Variants in SLC9A4 observed in about 807,000 individuals in gnomAD.
SLC9A4 encodes sodium/hydrogen exchanger 4.
SLC9A4 carries 63 observed loss-of-function variants against 67.4 expected under a neutral mutation model. That is an observed-to-expected ratio of 0.93 (90% CI 0.76 to 1.15). SLC9A4 has a LOEUF of 1.15. SLC9A4 is among the 50% of genes most tolerant of loss of function. SLC9A4 has a pLI of 0.00. For missense variants in SLC9A4, 1,089 were observed against 987.7 expected (o/e 1.10, Z -1.38); for synonymous variants, 393 against 367.2 (o/e 1.07, Z -0.80).
intron 8 of SLC9A4, among the ~76,000 whole-genome samples, chr2:102,518,708 C>T (rs1461400162): frequency 6.6e-6 from 1 of 152,056 alleles, no homozygotes; most frequent in Non-Finnish European, 1.5e-5. Context: ...GGCTGTATTG[C>T]TACTAATGTT....
At chr2:102,509,001 T>C (rs1685104615) in intron 6 of SLC9A4, 68 bp downstream of exon 6, 1 of 1,303,984 alleles carries the variant, frequency 7.7e-7, no homozygotes, top group African/African-American at 1.5e-5. Context: ...ATGAGACATG[T>C]GCACGTGTCA....
At chr2:102,509,869 G>T (rs2104438000) in intron 6 of SLC9A4, among the ~76,000 whole-genome samples, 1 of 152,302 alleles carries the variant, frequency 6.6e-6, no homozygotes, top group South Asian at 2.1e-4. Flanking sequence ...AAGAAAAAAA[G>T]GAGTCATCGA....
At chr2:102,530,016 C>A (rs918923788) in intron 11 of SLC9A4, among the ~76,000 whole-genome samples, 3 of 152,104 alleles carry the variant, frequency 2.0e-5, no homozygotes, top group Non-Finnish European at 4.4e-5. Context: ...AATGGTAACA[C>A]GACAATGTGA....
intron 9 of SLC9A4, among the ~76,000 whole-genome samples, chr2:102,524,440 A>G (rs762674466): frequency 6.6e-6 from 1 of 152,226 alleles, no homozygotes; most frequent in Non-Finnish European, 1.5e-5. Context: ...AGACATTCTC[A>G]TAAAGCTAAA....
In SLC9A4 at chr2:102,473,495, T is replaced by A. The variant is rs1684263474; in HGVS notation, c.-265T>A. The A allele has an allele frequency of 1.3e-5, 6 of 470,936 alleles. No individual in the cohort carries two copies. The South Asian group carries it at 1.9e-4, about 15-fold the overall frequency. The allele number at this position is 470,936 out of a possible 1,614,324, so 29.2% of individuals were successfully genotyped here. A position where few individuals can be genotyped will look rare whatever the true frequency, so the allele number is the denominator to read the frequency against. ...CATGATTGGATGGAGGTCCTCCAGG[T>A]AGCTCCATGGACTTTAACAAGTCTA... On this transcript the variant is annotated 5_prime_UTR_variant, in exon 1 of 12. An upstream open reading frame in the 5' UTR loses its in-frame stop. Coordinates refer to ENST00000295269, the MANE Select transcript of SLC9A4 (RefSeq NM_001011552.4).
intron 2 of SLC9A4, among the ~76,000 whole-genome samples, chr2:102,486,926 G>A (rs1226145134): frequency 6.6e-6 from 1 of 152,154 alleles, no homozygotes; most frequent in East Asian, 1.9e-4. Flanking sequence ...GGCAGAAAGG[G>A]CCATGCAGCC....
At chr2:102,478,100 C>T (rs1684370838) in intron 1 of SLC9A4, among the ~76,000 whole-genome samples, 1 of 152,126 alleles carries the variant, frequency 6.6e-6, no homozygotes, top group Non-Finnish European at 1.5e-5. Context: ...GGAATTGAGA[C>T]AATCAGAGAC....
intron 3 of SLC9A4, among the ~76,000 whole-genome samples, chr2:102,504,053 T>C (rs911702978): frequency 3.3e-5 from 5 of 152,110 alleles, no homozygotes; most frequent in Non-Finnish European, 5.9e-5. Context: ...GAAAAGTGTT[T>C]TTTTGTTTGT....
intron 11 of SLC9A4, among the ~76,000 whole-genome samples, chr2:102,527,676 A>G (rs1217623375): frequency 6.6e-6 from 1 of 152,230 alleles, no homozygotes; most frequent in Non-Finnish European, 1.5e-5. Flanking sequence ...AAAAGATTAT[A>G]TCACTAATTT....
intron 2 of SLC9A4, among the ~76,000 whole-genome samples, chr2:102,484,673 T>A (rs905207056): frequency 6.6e-6 from 1 of 152,210 alleles, no homozygotes; most frequent in Non-Finnish European, 1.5e-5. Context: ...AGATTTATAA[T>A]CTGCCTTCGT....
In SLC9A4 at chr2:102,503,601, A is replaced by G; in HGVS notation, c.874A>G (p.Thr292Ala). 1 of 1,614,168 alleles carries G rather than the reference A, an allele frequency of 6.2e-7. No homozygotes were observed. Among genetic ancestry groups the G allele is most frequent in the South Asian group, 1.1e-5 (1 of 91,076 alleles). ...TTTTGGATTTATTTCTGCATTTATC[A>G]CACGTTTCACTCAGAATATCTCTGC... is the stretch of plus-strand genomic sequence containing the variant. ...IVFGFISAFI[T>A]RFTQNISAIE... Residue 292 changes from threonine to alanine, a missense_variant, in exon 3 of 12, where the codon ACA becomes GCA. Thr to Ala is a moderately conservative substitution (Grantham distance 58). Transcript: ENST00000295269.
intron 2 of SLC9A4, 117 bp from the exon 3 acceptor site, chr2:102,503,331 T>G (rs1573341951): frequency 2.1e-6 from 2 of 947,684 alleles, no homozygotes; most frequent in East Asian, 2.7e-5. Context: ...TAGTATTTTT[T>G]GTTGTGTAAT....
intron 11 of SLC9A4, among the ~76,000 whole-genome samples, chr2:102,529,483 C>T (rs551799607): frequency 6.6e-6 from 1 of 152,276 alleles, no homozygotes; most frequent in East Asian, 1.9e-4. Flanking sequence ...TTCTGGCTTG[C>T]TTGGAATTAA....
chr2:102,479,400 C>T, intron 2 of SLC9A4, 98 bp downstream of exon 2: 2 of 1,278,506 alleles, frequency 1.6e-6, no homozygotes, highest in Non-Finnish European at 2.1e-6. Context: ...TGTGGCTCAG[C>T]GCAGCAGGAC....
At chr2:102,486,830 C>T (rs10207579) in intron 2 of SLC9A4, among the ~76,000 whole-genome samples, 77,815 of 152,022 alleles carry the variant, frequency 0.51, 20,268 homozygotes, top group Admixed American at 0.58. Flanking sequence ...TTCCTGTGTG[C>T]CAGAGATAGG....
chr2:102,525,459 T>C (rs1189719204), intron 10 of SLC9A4, among the ~76,000 whole-genome samples: 3 of 149,964 alleles, frequency 2.0e-5, no homozygotes, highest in East Asian at 4.3e-4. Flanking sequence ...GTACTGACCA[T>C]GCCCTTCAGT....
intron 9 of SLC9A4, among the ~76,000 whole-genome samples, chr2:102,522,839 C>T (rs10193407): frequency 0.76 from 115,158 of 152,146 alleles, 43,842 homozygotes; most frequent in Middle Eastern, 0.81. Context: ...AATTCAACTT[C>T]TTGGGGCAAA....
At chr2:102,499,705 T>C (rs1255711218) in intron 2 of SLC9A4, among the ~76,000 whole-genome samples, 2 of 152,224 alleles carry the variant, frequency 1.3e-5, no homozygotes, top group Non-Finnish European at 2.9e-5. Flanking sequence ...AAACTTATCT[T>C]TGAGGGAAGA....
At position 102,490,064 on chromosome 2, in the gene SLC9A4, A is replaced by T. The variant is rs560866323; in HGVS notation, c.720+10762A>T. 5.4e-5 allele frequency among the ~76,000 whole-genome samples: 8 copies of T among 149,452 alleles called. No individual in the cohort carries two copies. The East Asian group carries it at 1.4e-3, about 26-fold the overall frequency. ...TTGGCATGCAGGAAAGATCATTCTTATTGTATTATGTTGTGACTCTTAACT... is the reference window on the plus strand; with the variant it reads ...TTGGCATGCAGGAAAGATCATTCTTTTTGTATTATGTTGTGACTCTTAACT... On this transcript the variant is annotated intron_variant, in intron 2 of 11. Transcript: ENST00000295269.
Sources: allele counts gnomAD v4.1 joint callset (sites outside exome capture counted in the v4.1 genomes callset), GRCh38; gene constraint gnomAD v4.1.1; transcripts MANE v1.5; gene names NCBI Gene and HGNC (gene_info 2026-07-23, HGNC 2026-07-21).